The following NRXN1 variants were observed in gnomAD, a reference collection of about 807,000 sequenced individuals.
The protein encoded by NRXN1 is neurexin 1.
In NRXN1, 39 loss-of-function variants were observed where a neutral mutation model predicts 150.9. The observed-to-expected ratio is 0.26, with a 90% confidence interval of 0.20 to 0.34. NRXN1 has a LOEUF of 0.34. NRXN1 is among the 10% of genes least tolerant of loss of function. The pLI is 1.00. For missense variants in NRXN1, 1,815 were observed against 1,949.9 expected (o/e 0.93, Z 1.30); for synonymous variants, 924 against 757.0 (o/e 1.22, Z -3.62).
At chr2:49,927,992 C>T (rs1669413112) in intron 22 of NRXN1, among the ~76,000 whole-genome samples, 2 of 151,836 alleles carry the variant, frequency 1.3e-5, no homozygotes, top group African/African-American at 4.8e-5. Flanking sequence ...CAACTATGAA[C>T]CTGGCACACC....
intron 17 of NRXN1, among the ~76,000 whole-genome samples, chr2:50,432,645 GTTT>G (rs2085072710): frequency 6.6e-6 from 1 of 152,162 alleles, no homozygotes; most frequent in African/African-American, 2.4e-5. Flanking sequence ...AGACAGGAGA[GTTT>G]TTATCCTTCT....
intron 18 of NRXN1, among the ~76,000 whole-genome samples, chr2:50,160,058 T>C (rs1186076455): frequency 6.6e-6 from 1 of 152,130 alleles, no homozygotes; most frequent in East Asian, 1.9e-4. Context: ...AGATTCTGCA[T>C]CAAATTCAGA....
chr2:50,754,742 T>C (rs1371948142), intron 5 of NRXN1, among the ~76,000 whole-genome samples: 1 of 151,928 alleles, frequency 6.6e-6, no homozygotes, highest in South Asian at 2.1e-4. Context: ...CTCTCTGTTC[T>C]GCCAAGCATT....
At chr2:50,461,229 T>A (rs1164228493) in intron 17 of NRXN1, among the ~76,000 whole-genome samples, 2 of 152,092 alleles carry the variant, frequency 1.3e-5, no homozygotes, top group Admixed American at 6.6e-5. Flanking sequence ...TAAATTCCTA[T>A]CAGAAAGATT....
At chr2:50,281,148 CAAAAAAAA>C (rs70946898) in intron 17 of NRXN1, among the ~76,000 whole-genome samples, 2 of 107,144 alleles carry the variant, frequency 1.9e-5, no homozygotes, top group African/African-American at 3.4e-5. Context: ...ACTAAAAATA[CAAAAAAAA>C]AAAAAAAAAA....
At chr2:50,504,204 C>T (rs1430393014) in intron 13 of NRXN1, among the ~76,000 whole-genome samples, 1 of 147,812 alleles carries the variant, frequency 6.8e-6, no homozygotes, top group Admixed American at 6.7e-5. Flanking sequence ...GGGAAAAATG[C>T]TTATTGCGTA....
intron 5 of NRXN1, among the ~76,000 whole-genome samples, chr2:50,809,760 T>G (rs994674625): frequency 6.6e-6 from 1 of 152,148 alleles, no homozygotes; most frequent in Non-Finnish European, 1.5e-5. Context: ...TCAAGGTCAC[T>G]GACATGTTTA....
rs542333034 is a variant in NRXN1 at position 50,720,307 on chromosome 2, A to C, written c.833-96692T>G. Among the ~76,000 whole-genome samples the C allele has an allele frequency of 4.6e-5, 7 of 152,230 alleles. 1 individual carries two copies. The East Asian group carries it at 1.4e-3, about 29-fold the overall frequency. On this transcript the variant is annotated intron_variant, in intron 5 of 22. Transcript: ENST00000401669. ...AAATTCATATAAAACCAGTTACAAC[A>C]TGTCTCTTTCAGGGTACCTCCCTCC...
intron 17 of NRXN1, among the ~76,000 whole-genome samples, chr2:50,361,450 A>T (rs1370705804): frequency 6.6e-6 from 1 of 152,254 alleles, no homozygotes; most frequent in Non-Finnish European, 1.5e-5. Context: ...GATCCCACAG[A>T]TATACAAACT....
intron 17 of NRXN1, among the ~76,000 whole-genome samples, chr2:50,458,970 A>C (rs1367258033): frequency 6.6e-6 from 1 of 152,094 alleles, no homozygotes; most frequent in Non-Finnish European, 1.5e-5. Flanking sequence ...AAAGCTTATA[A>C]AATTTAAATG....
chr2:50,574,340 TAA>T (rs371864628), intron 8 of NRXN1, among the ~76,000 whole-genome samples: 18 of 146,748 alleles, frequency 1.2e-4, no homozygotes, highest in African/African-American at 4.2e-4. Flanking sequence ...TTGGCTTTTG[TAA>T]AAAAAAAAAA....
At chr2:50,783,178 T>C (rs1017253550) in intron 5 of NRXN1, among the ~76,000 whole-genome samples, 1 of 152,172 alleles carries the variant, frequency 6.6e-6, no homozygotes, top group African/African-American at 2.4e-5. Context: ...TGTGTTATTT[T>C]CACTGTAGTA....
intron 18 of NRXN1, among the ~76,000 whole-genome samples, chr2:50,228,846 G>A (rs1051998468): frequency 6.6e-6 from 1 of 151,930 alleles, no homozygotes; most frequent in Non-Finnish European, 1.5e-5. Flanking sequence ...CAGGGCAGTT[G>A]AGCGTCCCCC....
At chr2:50,862,290 T>C (rs1173859844) in intron 5 of NRXN1, among the ~76,000 whole-genome samples, 1 of 151,988 alleles carries the variant, frequency 6.6e-6, no homozygotes, top group Non-Finnish European at 1.5e-5. Flanking sequence ...CCTTGGACCA[T>C]TTTTATTCAG....
chr2:50,070,188 G>C (rs1005329433), intron 19 of NRXN1, among the ~76,000 whole-genome samples: 2 of 152,044 alleles, frequency 1.3e-5, no homozygotes, highest in Middle Eastern at 3.4e-3. Context: ...AGACAATGAA[G>C]GACAAGGCAT....
At chr2:50,758,959 A>G (rs1337034495) in intron 5 of NRXN1, among the ~76,000 whole-genome samples, 1 of 151,922 alleles carries the variant, frequency 6.6e-6, no homozygotes, top group African/African-American at 2.4e-5. Flanking sequence ...CTGTGGCCCA[A>G]GGGAATGTAT....
Position 50,091,327 on chromosome 2 carries a change from A to G in NRXN1, c.3714T>C (p.Pro1238=), listed in dbSNP as rs1166164409. Reference sequence around the variant, plus strand: ...GATACATATTCACTTGCTTACCTGCAGGGTAGCGCTCGATCACTGGCCAGC... The same window carrying G: ...GATACATATTCACTTGCTTACCTGCGGGGTAGCGCTCGATCACTGGCCAGC... ...VDSWPVIERY[P]AGNNDNERLA... is the part of the protein sequence containing the mutation. The change falls in exon 19 of 23, where the codon CCT becomes CCC. Residue 1238 remains proline, a synonymous_variant. Transcript: ENST00000401669. 6.8e-6 allele frequency: 11 copies of G among 1,614,138 alleles called. No individual in the cohort carries two copies. The highest frequency in any genetic ancestry group is 9.3e-6 in the Non-Finnish European group (11 of 1,180,022).
chr2:50,852,974 C>T (rs1253156784), intron 5 of NRXN1, among the ~76,000 whole-genome samples: 1 of 152,136 alleles, frequency 6.6e-6, no homozygotes, highest in Non-Finnish European at 1.5e-5. Context: ...AATCCCAAAA[C>T]TCTTCACTCT....
At chr2:49,969,352 A>G (rs1677540922) in intron 21 of NRXN1, among the ~76,000 whole-genome samples, 1 of 152,072 alleles carries the variant, frequency 6.6e-6, no homozygotes. Flanking sequence ...ACATCTAATC[A>G]TGCAAAATAA....
Sources: gnomAD v4.1 joint callset for allele counts (sites outside exome capture counted in the v4.1 genomes callset) on GRCh38, gnomAD v4.1.1 for gene constraint, MANE v1.5 for transcripts, NCBI Gene and HGNC (gene_info 2026-07-23, HGNC 2026-07-21) for gene names.